Variants in IFFO2 observed in about 807,000 individuals in gnomAD.
The protein encoded by IFFO2 is intermediate filament family orphan 2.
Under a neutral mutation model 53.5 loss-of-function variants are expected in IFFO2, and 19 were observed. The observed-to-expected ratio is 0.36, with a 90% CI of 0.25 to 0.52. The LOEUF is 0.52. Ranked by LOEUF, IFFO2 falls within the 20% of genes least tolerant of loss-of-function variation. IFFO2 has a pLI of 0.94. For synonymous variants in IFFO2, 303 were observed against 313.6 expected (o/e 0.97, Z 0.36); for missense variants, 570 against 727.4 (o/e 0.78, Z 2.49).
At chr1:18,932,684 T>A (rs935815011) in intron 1 of IFFO2, among the ~76,000 whole-genome samples, 3 of 152,234 alleles carry the variant, frequency 2.0e-5, no homozygotes, top group African/African-American at 7.2e-5. Context: ...ACACGGCCTT[T>A]CTGCTGTCCT....
chr1:18,923,183 G>C (rs1340301358), intron 1 of IFFO2, among the ~76,000 whole-genome samples: 4 of 152,214 alleles, frequency 2.6e-5, no homozygotes, highest in Non-Finnish European at 5.9e-5. Context: ...GAGTAGCAAA[G>C]AAGGGCACAA....
rs918379644 is a variant in IFFO2, at chr1:18,916,102, G to A, written c.1103+801C>T. On this transcript the variant is annotated intron_variant, in intron 5 of 8. Transcript: ENST00000455833. The surrounding 1 kb of genome is among the most constrained non-coding windows in gnomAD (Gnocchi z 4.3). ...ATCTGGCCGCTATACTCCAGTCTGGGTGACAGAGTGAGACTGTCTCAAAAA... is the reference window on the plus strand; with the variant it reads ...ATCTGGCCGCTATACTCCAGTCTGGATGACAGAGTGAGACTGTCTCAAAAA... Among the ~76,000 whole-genome samples the A allele has an allele frequency of 2.0e-5, 3 of 151,542 alleles. No homozygotes were observed. The highest frequency in any genetic ancestry group is 4.4e-5 in the Non-Finnish European group (3 of 67,922).
chr1:18,923,040 G>A (rs756144762), intron 1 of IFFO2, among the ~76,000 whole-genome samples: 1 of 152,190 alleles, frequency 6.6e-6, no homozygotes, highest in Non-Finnish European at 1.5e-5. Context: ...CTGGCCACAC[G>A]GCTCAGAGCG....
chr1:18,937,044 G>A (rs549106963), intron 1 of IFFO2, among the ~76,000 whole-genome samples: 1 of 152,086 alleles, frequency 6.6e-6, no homozygotes, highest in South Asian at 2.1e-4. Flanking sequence ...CTGAAGCTCA[G>A]AGGTGGGAGG....
intron 1 of IFFO2, among the ~76,000 whole-genome samples, chr1:18,951,601 C>T (rs1335077853): frequency 2.0e-5 from 3 of 152,212 alleles, no homozygotes; most frequent in Non-Finnish European, 4.4e-5. Flanking sequence ...CGGGCAACTT[C>T]CTCTACCAGC....
chr1:18,955,523 G>C, intron 1 of IFFO2, 145 bp downstream of exon 1: 1 of 1,260,998 alleles, frequency 7.9e-7, no homozygotes, highest in Non-Finnish European at 1.0e-6. Context: ...CCTTCCTGGC[G>C]TACGTAAGAC....
In IFFO2 at chr1:18,908,615, A is replaced by T. The variant is rs1935986751; in HGVS notation, c.1500T>A (p.Asp500Glu). Residue 500 changes from aspartate to glutamate, a missense_variant, in exon 9 of 9, where the codon GAT (aspartate) becomes GAA (glutamate). Asp to Glu is a conservative substitution (Grantham distance 45). Transcript: ENST00000455833. ...SVASSDSGST[D>E]EIQDEFEREA... ...CGCGCTCGAACTCATCCTGGATCTC[A>T]TCTGTACTTCCTGAGTCGCTGCTGG... is the stretch of plus-strand genomic sequence containing the variant. 1 of 1,537,510 alleles carries T rather than the reference A, an allele frequency of 6.5e-7. No homozygotes were observed. The highest frequency in any genetic ancestry group is 8.8e-7 in the Non-Finnish European group (1 of 1,135,928).
chr1:18,950,769 G>A (rs1358398929), intron 1 of IFFO2, among the ~76,000 whole-genome samples: 4 of 152,176 alleles, frequency 2.6e-5, no homozygotes, highest in African/African-American at 7.2e-5. Context: ...GGGGTGTGAC[G>A]GGAATGGGCG....
chr1:18,913,079 C>T (rs920178375), intron 5 of IFFO2, among the ~76,000 whole-genome samples: 2 of 152,248 alleles, frequency 1.3e-5, no homozygotes, highest in African/African-American at 4.8e-5. Context: ...CATCCCAGGG[C>T]TCTCCCCATT....
intron 1 of IFFO2, among the ~76,000 whole-genome samples, chr1:18,932,564 C>A (rs377408492): frequency 2.6e-5 from 4 of 152,242 alleles, no homozygotes; most frequent in Non-Finnish European, 5.9e-5. Context: ...AACGGAAGAA[C>A]CTGCCTTGCC....
chr1:18,926,448 C>T (rs1936298243), intron 1 of IFFO2, among the ~76,000 whole-genome samples: 1 of 152,160 alleles, frequency 6.6e-6, no homozygotes, highest in Non-Finnish European at 1.5e-5. Flanking sequence ...GATGTCAGAA[C>T]AAAGAGTGCA....
intron 1 of IFFO2, among the ~76,000 whole-genome samples, chr1:18,925,009 C>T (rs1292116783): frequency 6.6e-6 from 1 of 152,170 alleles, no homozygotes; most frequent in Non-Finnish European, 1.5e-5. Context: ...GCTGACACGG[C>T]CTGAATCACT....
At chr1:18,933,882 A>T (rs144660477) in intron 1 of IFFO2, among the ~76,000 whole-genome samples, 14 of 152,216 alleles carry the variant, frequency 9.2e-5, no homozygotes, top group Non-Finnish European at 1.8e-4. Context: ...GAACTCTTTC[A>T]TCTTGCAAAA....
chr1:18,948,650 CA>C (rs1475543643), intron 1 of IFFO2, among the ~76,000 whole-genome samples: 3 of 152,268 alleles, frequency 2.0e-5, no homozygotes, highest in Non-Finnish European at 4.4e-5. Flanking sequence ...AAACCTTCAG[CA>C]GTCTCCCATC....
intron 1 of IFFO2, 94 bp from the exon 2 acceptor site, chr1:18,921,215 C>G: frequency 8.9e-7 from 1 of 1,122,446 alleles, no homozygotes; most frequent in South Asian, 1.3e-5. Flanking sequence ...CAGGGACTAT[C>G]TTGAGCTGGG....
intron 1 of IFFO2, among the ~76,000 whole-genome samples, chr1:18,954,561 G>A (rs963629858): frequency 1.3e-5 from 2 of 152,242 alleles, no homozygotes; most frequent in Admixed American, 1.3e-4. Context: ...CCGAATGGAA[G>A]GCTGCCTGTG....
At chr1:18,952,804 C>T (rs531437328) in intron 1 of IFFO2, among the ~76,000 whole-genome samples, 61 of 152,298 alleles carry the variant, frequency 4.0e-4, no homozygotes, top group Middle Eastern at 6.8e-3. Context: ...TGTGAATTTA[C>T]TCATCTTGAC....
intron 1 of IFFO2, among the ~76,000 whole-genome samples, chr1:18,950,546 G>A (rs1055379319): frequency 6.6e-6 from 1 of 152,242 alleles, no homozygotes; most frequent in African/African-American, 2.4e-5. Context: ...CACACAGACA[G>A]TGGCAGAGCC....
intron 1 of IFFO2, among the ~76,000 whole-genome samples, chr1:18,926,082 A>AT (rs1936291009): frequency 9.4e-6 from 1 of 106,544 alleles, no homozygotes; most frequent in African/African-American, 4.0e-5. Context: ...GGATGGATGG[A>AT]TGGATGGATG....
Sources: gnomAD v4.1 joint callset for allele counts (sites outside exome capture counted in the v4.1 genomes callset) on GRCh38, gnomAD v4.1.1 for gene constraint, Gnocchi (gnomAD v3.1) non-coding constraint, MANE v1.5 for transcripts, NCBI Gene and HGNC (gene_info 2026-07-23, HGNC 2026-07-21) for gene names.